PATJ: variants seen among roughly 807,000 people sequenced by gnomAD.
PATJ encodes the protein inaD-like protein.
Under a neutral mutation model 224.9 loss-of-function variants are expected in PATJ, and 190 were observed. The observed-to-expected ratio is 0.84, with a 90% confidence interval of 0.75 to 0.95. The LOEUF (loss-of-function observed/expected upper bound fraction) is 0.95. Among genes scored for constraint, PATJ ranks in the 40% least tolerant of loss-of-function variants. PATJ has a pLI of 0.00. For synonymous variants in PATJ, 769 were observed against 820.3 expected (o/e 0.94, Z 1.07); for missense variants, 2,121 against 2,270.3 (o/e 0.93, Z 1.34).
intron 27 of PATJ, among the ~76,000 whole-genome samples, chr1:61,942,136 G>A (rs1274226453): frequency 6.6e-6 from 1 of 152,068 alleles, no homozygotes; most frequent in Non-Finnish European, 1.5e-5. Context: ...AGGATTCCTA[G>A]TATTTTTTCT....
intron 17 of PATJ, among the ~76,000 whole-genome samples, chr1:61,840,952 T>C (rs1196808673): frequency 1.3e-5 from 2 of 152,104 alleles, no homozygotes; most frequent in African/African-American, 4.8e-5. Flanking sequence ...TGGAAGATAG[T>C]GTAAGCAGGT....
At chr1:61,743,335 G>A (rs1044633585) in intron 1 of PATJ, among the ~76,000 whole-genome samples, 1 of 152,220 alleles carries the variant, frequency 6.6e-6, no homozygotes, top group African/African-American at 2.4e-5. Context: ...CACGCAGGCC[G>A]AATTAAGTGA....
chr1:61,839,807 C>G (rs530566180), intron 17 of PATJ, among the ~76,000 whole-genome samples: 1 of 152,026 alleles, frequency 6.6e-6, no homozygotes, highest in African/African-American at 2.4e-5. Flanking sequence ...TCATTCCTCT[C>G]CCCTCTTGAG....
chr1:61,975,078 G>A (rs762212496), intron 27 of PATJ, among the ~76,000 whole-genome samples: 1 of 151,948 alleles, frequency 6.6e-6, no homozygotes, highest in Admixed American at 6.6e-5. Context: ...CTGAGTAGCT[G>A]GGACTATAGG....
chr1:61,775,604 A>G (rs1646869998), intron 7 of PATJ, among the ~76,000 whole-genome samples: 1 of 152,208 alleles, frequency 6.6e-6, no homozygotes. Flanking sequence ...ATTGAAAAGC[A>G]TTGTTAATGA....
chr1:61,965,121 CAAAAAAAAAAAAAAAAAAAAAAAAAAAAA>C (rs34267345), intron 27 of PATJ, among the ~76,000 whole-genome samples: 20 of 54,364 alleles, frequency 3.7e-4, no homozygotes, highest in Admixed American at 5.4e-4. Flanking sequence ...GACTCTGTCT[CAAAAAAAAAAAAAAAAAAAAAAAAAAAAA>C]AAAAAAAAAA....
chr1:61,894,530 G>A (rs1670095953), intron 22 of PATJ, among the ~76,000 whole-genome samples: 2 of 152,082 alleles, frequency 1.3e-5, no homozygotes, highest in African/African-American at 2.4e-5. Flanking sequence ...AAAAGTGGCA[G>A]TTTCCCCTAC....
chr1:62,120,933 C>T (rs1664972096), intron 37 of PATJ: 2 of 413,426 alleles, frequency 4.8e-6, no homozygotes, highest in South Asian at 7.3e-5. Flanking sequence ...TGGTCTCCAC[C>T]TTGGTGATTG....
At chr1:61,944,507 G>C (rs141712604) in intron 27 of PATJ, among the ~76,000 whole-genome samples, 1 of 152,124 alleles carries the variant, frequency 6.6e-6, no homozygotes, top group Non-Finnish European at 1.5e-5. Flanking sequence ...GAAATGAAGG[G>C]AGAAGAGAAG....
rs1676815428 is a variant in PATJ, at chr1:61,936,044, T to C, written c.3670+8215T>C. Among the ~76,000 whole-genome samples, 3 of 152,054 alleles carry C rather than the reference T, an allele frequency of 2.0e-5. No individual in the cohort carries two copies. The South Asian group carries it at 6.2e-4, about 32-fold the overall frequency. On this transcript the variant is annotated intron_variant, in intron 27 of 43. Coordinates refer to ENST00000642238, the MANE Select transcript of PATJ (RefSeq NM_001350145.3). ...ATTGAGATATAATTCACATACCATA[T>C]AATTCACCTTCTTAAAATGCATAAT...
chr1:61,973,908 C>T (rs1178556038), intron 27 of PATJ, among the ~76,000 whole-genome samples: 1 of 151,990 alleles, frequency 6.6e-6, no homozygotes, highest in African/African-American at 2.4e-5. Context: ...TCAGGCATTT[C>T]TAAGGACTAT....
intron 28 of PATJ, among the ~76,000 whole-genome samples, chr1:62,009,189 G>C (rs1646280122): frequency 6.6e-6 from 1 of 152,050 alleles, no homozygotes; most frequent in Non-Finnish European, 1.5e-5. Context: ...CTTGGGGCTG[G>C]GTCAGAAAAA....
intron 7 of PATJ, among the ~76,000 whole-genome samples, chr1:61,786,519 A>T (rs534763065): frequency 1.3e-5 from 2 of 152,040 alleles, no homozygotes; most frequent in Non-Finnish European, 2.9e-5. Context: ...CTAAGACAAC[A>T]GCTCTGAAAC....
chr1:61,799,981 A>G (rs902677430), intron 11 of PATJ, among the ~76,000 whole-genome samples: 8 of 152,210 alleles, frequency 5.3e-5, no homozygotes, highest in Non-Finnish European at 1.0e-4. Context: ...CATTTTCTGT[A>G]TCCTATCATC....
chr1:62,056,244 A>T lies in PATJ; in HGVS notation c.4125+5186A>T, dbSNP rs749762528. Among the ~76,000 whole-genome samples, 4 of 152,218 alleles carry T rather than the reference A, an allele frequency of 2.6e-5. 1 individual carries two copies. Among genetic ancestry groups the T allele is most frequent in the South Asian group, 4.1e-4 (2 of 4,834 alleles). On this transcript the variant is annotated intron_variant, in intron 31 of 43. Transcript: ENST00000642238. ...TTAATCCACTCAGATGGATACCTAA[A>T]GTTCACCATCATAGTTAATATATTA...
chr1:61,982,473 A>G (rs373490810), intron 27 of PATJ, among the ~76,000 whole-genome samples: 4 of 152,006 alleles, frequency 2.6e-5, no homozygotes, highest in Admixed American at 6.6e-5. Context: ...TTCTCTGAGT[A>G]TCAGTCAGTT....
chr1:61,840,994 ATGATG>A (rs1660992891), intron 17 of PATJ, among the ~76,000 whole-genome samples: 1 of 152,088 alleles, frequency 6.6e-6, no homozygotes, highest in Admixed American at 6.5e-5. Context: ...ATGGTTTTCT[ATGATG>A]TGGACAGATT....
In PATJ at chr1:61,802,407, ACATTTTAAT is replaced by A. The variant is rs998583805; in HGVS notation, c.1549+640_1549+648del. Among the ~76,000 whole-genome samples, 61 of 152,106 alleles carry A rather than the reference ACATTTTAAT, an allele frequency of 4.0e-4. 2 individuals carry two copies. The South Asian group carries it at 7.3e-3, about 18-fold the overall frequency. On this transcript the variant is annotated intron_variant, in intron 12 of 43. Transcript: ENST00000642238. ...CGTGCCCAGCCAATATCAACATTTA[ACATTTTAAT>A]CTTTCTTTACTTATATTAATTATTT...
chr1:61,746,542 CTG>C (rs975671024), intron 1 of PATJ, among the ~76,000 whole-genome samples: 2 of 152,176 alleles, frequency 1.3e-5, no homozygotes, highest in Admixed American at 1.3e-4. Context: ...TAATAAAAGA[CTG>C]TAACAAGAGT....
Sources: allele counts gnomAD v4.1 joint callset (sites outside exome capture counted in the v4.1 genomes callset), GRCh38; gene constraint gnomAD v4.1.1; transcripts MANE v1.5; gene names NCBI Gene and HGNC (gene_info 2026-07-23, HGNC 2026-07-21).